PBX3: variants seen among roughly 807,000 people sequenced by gnomAD.
PBX3 encodes the protein pre-B-cell leukemia transcription factor 3.
PBX3 carries 14 observed loss-of-function variants against 48.5 expected under a neutral mutation model. The ratio of observed to expected loss-of-function variants is 0.29; its 90% confidence interval spans 0.19 to 0.45. The LOEUF is 0.45. Among genes scored for constraint, PBX3 ranks in the 20% least tolerant of loss-of-function variants. The probability of loss-of-function intolerance (pLI) is 1.00; values close to 1 mark genes in which losing one functional copy is unlikely to be tolerated. For synonymous variants in PBX3, 210 were observed against 200.3 expected, an observed-to-expected ratio of 1.05 and a Z score of -0.41; for missense variants, 386 against 546.7, an observed-to-expected ratio of 0.71 and a Z score of 2.93.
intron 2 of PBX3, among the ~76,000 whole-genome samples, chr9:125,859,332 T>G (rs904807617): frequency 1.3e-5 from 2 of 152,188 alleles, no homozygotes; most frequent in Non-Finnish European, 2.9e-5. Context: ...CCCATGAAAG[T>G]AGGGACCTTA....
Position 125,961,144 on chromosome 9 carries a change from A to G in PBX3, c.1009+295A>G, listed in dbSNP as rs567109175. ...GCTATCGCTCATGACTATTTTAGCTATTTCTTTCCAGATACCACTTTAGGG... is the reference window on the plus strand; with the variant it reads ...GCTATCGCTCATGACTATTTTAGCTGTTTCTTTCCAGATACCACTTTAGGG... On this transcript the variant is annotated intron_variant, in intron 6 of 8. Transcript: ENST00000373489. Among the ~76,000 whole-genome samples, 16 of 152,336 alleles carry G rather than the reference A, an allele frequency of 1.1e-4. No homozygotes were observed. In the South Asian group the frequency reaches 3.1e-3, roughly 30 times the overall value.
chr9:125,944,741 T>A (rs1564185439), intron 5 of PBX3, among the ~76,000 whole-genome samples: 4 of 152,030 alleles, frequency 2.6e-5, no homozygotes, highest in Admixed American at 2.6e-4. Flanking sequence ...GTTTAATAAG[T>A]CTGGAGCCTG....
chr9:125,810,902 C>T (rs530839185), intron 2 of PBX3, among the ~76,000 whole-genome samples: 9 of 152,208 alleles, frequency 5.9e-5, no homozygotes, highest in East Asian at 1.9e-4. Flanking sequence ...TCCCAAGATG[C>T]GAGGTGTGGT....
At chr9:125,902,275 A>G (rs907632118) in intron 2 of PBX3, among the ~76,000 whole-genome samples, 9 of 151,700 alleles carry the variant, frequency 5.9e-5, no homozygotes, top group African/African-American at 2.2e-4. Context: ...TGATTAGAGC[A>G]TTGACCAGTG....
At chr9:125,877,479 A>C (rs1027564980) in intron 2 of PBX3, among the ~76,000 whole-genome samples, 1 of 152,250 alleles carries the variant, frequency 6.6e-6, no homozygotes, top group Non-Finnish European at 1.5e-5. Flanking sequence ...TATATCAAAG[A>C]GCTACGTAAG....
chr9:125,956,471 C>T (rs2094477067), intron 5 of PBX3, among the ~76,000 whole-genome samples: 1 of 152,166 alleles, frequency 6.6e-6, no homozygotes, highest in South Asian at 2.1e-4. Flanking sequence ...CAATCTATAG[C>T]TGAATTGCGT....
chr9:125,922,544 T>C (rs1322720473), intron 3 of PBX3, among the ~76,000 whole-genome samples: 1 of 152,210 alleles, frequency 6.6e-6, no homozygotes, highest in Admixed American at 6.5e-5. Flanking sequence ...ACAGTTTCAC[T>C]TGGAAAACAC....
At chr9:125,932,212 C>G (rs1209419547) in intron 4 of PBX3, among the ~76,000 whole-genome samples, 3 of 152,168 alleles carry the variant, frequency 2.0e-5, no homozygotes, top group East Asian at 1.9e-4. Flanking sequence ...AGTGCTTGTA[C>G]TTGTTGGATC....
intron 5 of PBX3, among the ~76,000 whole-genome samples, chr9:125,947,387 C>G (rs973128828): frequency 3.9e-5 from 6 of 152,048 alleles, no homozygotes; most frequent in African/African-American, 1.2e-4. Context: ...AGTAAGTGTT[C>G]TAAGACTCTT....
intron 2 of PBX3, among the ~76,000 whole-genome samples, chr9:125,897,141 GTTTTTTTTT>G (rs371641194): frequency 9.2e-6 from 1 of 108,932 alleles, no homozygotes. Context: ...TTCATTTGTG[GTTTTTTTTT>G]TTTTTTTTTT....
intron 2 of PBX3, among the ~76,000 whole-genome samples, chr9:125,767,053 T>C (rs1456782825): frequency 6.6e-6 from 1 of 152,214 alleles, no homozygotes; most frequent in East Asian, 1.9e-4. Flanking sequence ...CACTGATGTG[T>C]TGCTGTCGCT....
Position 125,759,006 on chromosome 9 carries a change from A to G in PBX3, c.274+10383A>G, listed in dbSNP as rs925474733. Among the ~76,000 whole-genome samples, 1 of 152,178 alleles carries G rather than the reference A, an allele frequency of 6.6e-6. No individual in the cohort carries two copies. Among genetic ancestry groups the G allele is most frequent in the Non-Finnish European group, 1.5e-5 (1 of 68,028 alleles). On this transcript the variant is annotated intron_variant, in intron 2 of 8. Transcript: ENST00000373489. This position sits in a 1 kb window ranked among gnomAD's most constrained non-coding sequence, Gnocchi z 4.2. ...TTAAGTAATTTGTCCCTGATCCCAT[A>G]GTGAGTGACACCCCAGGCTGTCTTT... is the stretch of plus-strand genomic sequence containing the variant.
chr9:125,905,542 T>A (rs1841050216), intron 2 of PBX3, among the ~76,000 whole-genome samples: 1 of 151,938 alleles, frequency 6.6e-6, no homozygotes, highest in Admixed American at 6.6e-5. Context: ...GTCTTTGGAT[T>A]TTTTTTTCTT....
intron 2 of PBX3, among the ~76,000 whole-genome samples, chr9:125,765,947 T>TG (rs1405500759): frequency 1.3e-5 from 2 of 152,174 alleles, no homozygotes; most frequent in Non-Finnish European, 2.9e-5. Flanking sequence ...TTTATAAATT[T>TG]GATATTTTCT....
At chr9:125,950,103 G>T (rs972767875) in intron 5 of PBX3, among the ~76,000 whole-genome samples, 2 of 152,132 alleles carry the variant, frequency 1.3e-5, no homozygotes, top group Non-Finnish European at 2.9e-5. Context: ...TGTAAATGTT[G>T]TCTGTGGTAA....
intron 2 of PBX3, among the ~76,000 whole-genome samples, chr9:125,809,366 G>A (rs1445632612): frequency 6.6e-6 from 1 of 151,538 alleles, no homozygotes; most frequent in Non-Finnish European, 1.5e-5. Flanking sequence ...TCTTTTTTGG[G>A]GAGATGTGAT....
rs1210618979 is a variant in PBX3 at position 125,748,182 on chromosome 9, C to T, written c.201-368C>T. On this transcript the variant is annotated intron_variant, in intron 1 of 8. Transcript: ENST00000373489. ...GCCGAGCTGTCACCCTCCCGCTGGC[C>T]GCAGTCGGCCGGCCTCCTCTGCACA... 8 of 956,134 alleles carry T rather than the reference C, an allele frequency of 8.4e-6. No homozygotes were observed. The South Asian group carries it at 1.9e-4, about 23-fold the overall frequency. The allele number at this position is 956,134 out of a possible 1,614,324, so 59.2% of individuals were successfully genotyped here. A position where few individuals can be genotyped will look rare whatever the true frequency, so the allele number is the denominator to read the frequency against.
chr9:125,879,078 T>C (rs1011838369), intron 2 of PBX3, among the ~76,000 whole-genome samples: 2 of 28,128 alleles, frequency 7.1e-5, no homozygotes, highest in African/African-American at 1.2e-4. Context: ...CATGCTATTC[T>C]TTTTTTTTTT....
In PBX3 at chr9:125,783,838, A is replaced by G. The variant is rs577372299; in HGVS notation, c.274+35215A>G. On this transcript the variant is annotated intron_variant, in intron 2 of 8. Transcript: ENST00000373489. ...ACATGATAAAACCCCTTCTCTAATAAAAATACAAGAAAATTAGCTGGGCAT... is the reference window on the plus strand; with the variant it reads ...ACATGATAAAACCCCTTCTCTAATAGAAATACAAGAAAATTAGCTGGGCAT... Among the ~76,000 whole-genome samples, 648 of 152,000 alleles carry G rather than the reference A, an allele frequency of 4.3e-3. 6 individuals carry two copies. Among genetic ancestry groups the G allele is most frequent in the Non-Finnish European group, 7.3e-3 (496 of 67,978 alleles).
Sources: allele counts gnomAD v4.1 joint callset (sites outside exome capture counted in the v4.1 genomes callset), GRCh38; gene constraint gnomAD v4.1.1; non-coding constraint Gnocchi (gnomAD v3.1); transcripts MANE v1.5; gene names NCBI Gene and HGNC (gene_info 2026-07-23, HGNC 2026-07-21).